CNOT6L: variants seen among roughly 807,000 people sequenced by gnomAD.
CNOT6L encodes the protein CCR4-NOT transcription complex subunit 6 like, also known as CCR4-NOT transcription complex subunit 6-like.
Under a neutral mutation model 64.0 loss-of-function variants are expected in CNOT6L, and 7 were observed. The observed-to-expected ratio is 0.11, with a 90% confidence interval of 0.06 to 0.21. CNOT6L has a LOEUF of 0.21. Among genes scored for constraint, CNOT6L ranks in the 10% least tolerant of loss-of-function variants. The pLI is 1.00. For missense variants in CNOT6L, 245 were observed against 669.0 expected, an observed-to-expected ratio of 0.37 and a Z score of 6.99; for synonymous variants, 193 against 243.4, an observed-to-expected ratio of 0.79 and a Z score of 1.93.
At chr4:77,803,039 A>T (rs6817823) in intron 1 of CNOT6L, among the ~76,000 whole-genome samples, 119,953 of 152,092 alleles carry the variant, frequency 0.79, 48,143 homozygotes, top group Non-Finnish European at 0.86. Flanking sequence ...AAAGTCAAAA[A>T]ACAAACAAGA....
intron 5 of CNOT6L, among the ~76,000 whole-genome samples, chr4:77,754,530 G>A (rs1725236017): frequency 6.6e-6 from 1 of 152,148 alleles, no homozygotes; most frequent in South Asian, 2.1e-4. Context: ...ACATTTTAGA[G>A]AGGGGAGAGA....
At chr4:77,772,637 C>A (rs1577969418) in intron 4 of CNOT6L, among the ~76,000 whole-genome samples, 1 of 152,124 alleles carries the variant, frequency 6.6e-6, no homozygotes, top group East Asian at 1.9e-4. Flanking sequence ...GAACTACTTT[C>A]TTAGGCAGGG....
intron 4 of CNOT6L, among the ~76,000 whole-genome samples, chr4:77,760,859 G>GTTTTTTT (rs1205413604): frequency 2.7e-5 from 1 of 37,170 alleles, no homozygotes; most frequent in Non-Finnish European, 5.6e-5. Flanking sequence ...ACCATGCCTG[G>GTTTTTTT]CTTTTTTTTT....
intron 4 of CNOT6L, among the ~76,000 whole-genome samples, chr4:77,765,685 C>T (rs1726747095): frequency 6.6e-6 from 1 of 152,106 alleles, no homozygotes; most frequent in African/African-American, 2.4e-5. Context: ...TACTATGGGC[C>T]TTGTGCCTCC....
intron 10 of CNOT6L, among the ~76,000 whole-genome samples, chr4:77,728,075 C>T (rs918765501): frequency 6.6e-6 from 1 of 152,028 alleles, no homozygotes; most frequent in Admixed American, 6.6e-5. Context: ...ACCTAAAATG[C>T]AGAAATTATT....
At chr4:77,816,178 CA>C (rs1733552330) in intron 1 of CNOT6L, among the ~76,000 whole-genome samples, 1 of 152,004 alleles carries the variant, frequency 6.6e-6, no homozygotes, top group African/African-American at 2.4e-5. Context: ...TTAGTACTTC[CA>C]CTTCATATCC....
intron 1 of CNOT6L, among the ~76,000 whole-genome samples, chr4:77,817,708 T>C (rs1478993974): frequency 2.0e-5 from 3 of 152,220 alleles, no homozygotes; most frequent in African/African-American, 7.2e-5. Flanking sequence ...GTAGTGGTAA[T>C]AGAGAACAGC....
intron 1 of CNOT6L, among the ~76,000 whole-genome samples, chr4:77,796,833 C>T (rs1401571479): frequency 6.6e-6 from 1 of 151,936 alleles, no homozygotes; most frequent in African/African-American, 2.4e-5. Context: ...GTAATCCCAC[C>T]ACTTTGGGAG....
At chr4:77,752,454 A>ATACTTAATTACAAAAATTAAT (rs1724961747) in intron 5 of CNOT6L, among the ~76,000 whole-genome samples, 1 of 152,314 alleles carries the variant, frequency 6.6e-6, no homozygotes, top group African/African-American at 2.4e-5. Context: ...TCTCAAGTGC[A>ATACTTAATTACAAAAATTAAT]TACTTAATTA....
intron 11 of CNOT6L, among the ~76,000 whole-genome samples, chr4:77,723,762 G>A (rs1721542450): frequency 6.6e-6 from 1 of 152,048 alleles, no homozygotes; most frequent in Non-Finnish European, 1.5e-5. Context: ...TCTGAGCCAG[G>A]CATTTCTAGT....
chr4:77,761,748 T>C (rs1726270306), intron 4 of CNOT6L, among the ~76,000 whole-genome samples: 1 of 152,116 alleles, frequency 6.6e-6, no homozygotes, highest in South Asian at 2.1e-4. Flanking sequence ...TTCTATTCAA[T>C]ATAGTACTAG....
chr4:77,783,681 G>A (rs1044035241), intron 1 of CNOT6L, among the ~76,000 whole-genome samples: 2 of 152,004 alleles, frequency 1.3e-5, no homozygotes, highest in Non-Finnish European at 2.9e-5. Flanking sequence ...TTGGGGAATG[G>A]GACTGAAGAT....
chr4:77,819,759 T>TGCGGGGCGG (rs1455148031), upstream of CNOT6L: 2 of 103,424 alleles, frequency 1.9e-5, no homozygotes, highest in Non-Finnish European at 4.2e-5. Flanking sequence ...CCGGAGGGGA[T>TGCGGGGCGG]GCGGGGCGGG....
intron 1 of CNOT6L, among the ~76,000 whole-genome samples, chr4:77,791,240 C>T (rs1308954535): frequency 3.3e-5 from 5 of 152,192 alleles, no homozygotes; most frequent in African/African-American, 9.7e-5. Flanking sequence ...CGCGCCACTG[C>T]ACTCCAGCCT....
intron 6 of CNOT6L, among the ~76,000 whole-genome samples, chr4:77,747,925 C>A (rs1426434140): frequency 6.6e-6 from 1 of 152,146 alleles, no homozygotes; most frequent in Admixed American, 6.5e-5. Context: ...AAATTTTTCA[C>A]AAGAAATATC....
intron 11 of CNOT6L, among the ~76,000 whole-genome samples, chr4:77,722,790 G>C (rs921524263): frequency 2.6e-5 from 4 of 152,034 alleles, no homozygotes; most frequent in African/African-American, 9.7e-5. Context: ...CATCTATGAG[G>C]AGGATCCCTA....
intron 3 of CNOT6L, among the ~76,000 whole-genome samples, chr4:77,773,726 G>T (rs1727858724): frequency 6.6e-6 from 1 of 151,642 alleles, no homozygotes; most frequent in African/African-American, 2.4e-5. Context: ...TATTAAAGAA[G>T]ACAAAAGAAA....
At chr4:77,776,694 C>T (rs1728180107) in intron 1 of CNOT6L, among the ~76,000 whole-genome samples, 1 of 152,230 alleles carries the variant, frequency 6.6e-6, no homozygotes, top group African/African-American at 2.4e-5. Context: ...TGCTTTCCCA[C>T]ACAGCAGTTT....
rs982782082 is a variant in CNOT6L at position 77,715,362 on chromosome 4, T to C, written c.*5069A>G. 1.3e-5 allele frequency: 2 copies of C among 152,076 alleles called. No homozygotes were observed. Among genetic ancestry groups the C allele is most frequent in the Non-Finnish European group, 2.9e-5 (2 of 68,012 alleles). The allele number at this position is 152,076 out of a possible 1,614,324, so 9.4% of individuals were successfully genotyped here. ...TTATACAATGTACCATAAAAAAAAA[T>C]TAACAATTAATAAGCACAAATGTCC... On this transcript the variant is annotated 3_prime_UTR_variant, in exon 12 of 12. Coordinates refer to ENST00000504123, the MANE Select transcript of CNOT6L (RefSeq NM_144571.3).
Sources: gnomAD v4.1 joint callset for allele counts (sites outside exome capture counted in the v4.1 genomes callset) on GRCh38, gnomAD v4.1.1 for gene constraint, MANE v1.5 for transcripts, NCBI Gene and HGNC (gene_info 2026-07-23, HGNC 2026-07-21) for gene names.